Variants in YAE1 observed in about 807,000 individuals in gnomAD.
The protein encoded by YAE1 is YAE1 maturation factor of ABCE1, also known as protein YAE1 homolog.
A neutral mutation model predicts 23.0 loss-of-function variants in YAE1; 22 were observed. The ratio of observed to expected loss-of-function variants is 0.96; its 90% CI spans 0.68 to 1.37. YAE1 has a LOEUF of 1.37. YAE1 is among the 40% of genes most tolerant of loss of function. YAE1 has a pLI of 0.00. For synonymous variants in YAE1, 101 were observed against 97.0 expected (o/e 1.04, Z -0.24); for missense variants, 260 against 262.1 (o/e 0.99, Z 0.06).
chr7:39,586,176 C>CTT (rs3038969), intron 2 of YAE1, among the ~76,000 whole-genome samples: 6,162 of 142,608 alleles, frequency 0.043, 215 homozygotes, highest in African/African-American at 0.089. Flanking sequence ...TTTTTTTCCT[C>CTT]TTTTTTTTTT....
At chr7:39,582,107 A>G (rs1310581667) in intron 2 of YAE1, among the ~76,000 whole-genome samples, 1 of 151,802 alleles carries the variant, frequency 6.6e-6, no homozygotes, top group Non-Finnish European at 1.5e-5. Flanking sequence ...GTCTGTAGGT[A>G]GTTCTGATTA....
Position 39,608,255 on chromosome 7 carries a change from A to G in YAE1, c.252-1362A>G, listed in dbSNP as rs79195882. ...CCTATAGTTCTAAAGCCTTTCAATA[A>G]TTTATTTAACGCCTATAAAATATTC... On this transcript the variant is annotated intron_variant, in intron 2 of 2. Transcript: ENST00000432096. Among the ~76,000 whole-genome samples the G allele has an allele frequency of 1.4e-4, 22 of 152,366 alleles. No homozygotes were observed. The East Asian group carries it at 4.2e-3, about 29-fold the overall frequency.
chr7:39,571,194 A>T (rs1285428379), intron 2 of YAE1, among the ~76,000 whole-genome samples: 1 of 152,126 alleles, frequency 6.6e-6, no homozygotes, highest in Non-Finnish European at 1.5e-5. Flanking sequence ...ACGGCTTTGA[A>T]TATGGCCCAA....
intron 2 of YAE1, among the ~76,000 whole-genome samples, chr7:39,580,860 C>G (rs995328222): frequency 5.9e-5 from 9 of 152,044 alleles, no homozygotes; most frequent in African/African-American, 1.7e-4. Flanking sequence ...CATAAGAAAA[C>G]CTGTTCAAAA....
intron 2 of YAE1, among the ~76,000 whole-genome samples, chr7:39,601,421 T>C (rs544221066): frequency 1.3e-5 from 2 of 152,300 alleles, no homozygotes; most frequent in African/African-American, 4.8e-5. Flanking sequence ...ATTATGGCAG[T>C]ATTTCCTTTT....
At chr7:39,611,458 G>T (rs774716904), downstream of YAE1, among the ~76,000 whole-genome samples, 4 of 152,236 alleles carry the variant, frequency 2.6e-5, no homozygotes, top group Admixed American at 6.5e-5. Flanking sequence ...GTAGGTGAGT[G>T]CTGGGCCGAG....
intron 2 of YAE1, among the ~76,000 whole-genome samples, chr7:39,579,791 G>A (rs964318998): frequency 1.3e-5 from 2 of 151,986 alleles, no homozygotes; most frequent in Non-Finnish European, 1.5e-5. Flanking sequence ...ACCTACAATC[G>A]CAGCACTTTG....
At chr7:39,587,813 G>A (rs1790841969) in intron 2 of YAE1, among the ~76,000 whole-genome samples, 6 of 139,052 alleles carry the variant, frequency 4.3e-5, no homozygotes. Flanking sequence ...CTTCAAGGCA[G>A]TACAGGGAGC....
intron 1 of YAE1, among the ~76,000 whole-genome samples, chr7:39,568,043 T>C (rs1169894007): frequency 6.6e-6 from 1 of 152,042 alleles, no homozygotes; most frequent in Non-Finnish European, 1.5e-5. Context: ...TATCTTAAAA[T>C]ATAAAAATGT....
chr7:39,611,180 G>A (rs896934583), downstream of YAE1, among the ~76,000 whole-genome samples: 4 of 152,008 alleles, frequency 2.6e-5, no homozygotes, highest in African/African-American at 4.8e-5. Flanking sequence ...GATGGCCATT[G>A]GCTGTGGTTA....
At chr7:39,578,752 G>A (rs775361261) in intron 2 of YAE1, among the ~76,000 whole-genome samples, 1 of 152,170 alleles carries the variant, frequency 6.6e-6, no homozygotes, top group African/African-American at 2.4e-5. Context: ...CACTCACCGC[G>A]AGGGTCTGCA....
Position 39,597,406 on chromosome 7 carries a change from T to C in YAE1, c.252-12211T>C, listed in dbSNP as rs891341259. Among the ~76,000 whole-genome samples, 8 of 152,064 alleles carry C rather than the reference T, an allele frequency of 5.3e-5. 1 individual carries two copies. Among genetic ancestry groups the C allele is most frequent in the Admixed American group, 3.9e-4 (6 of 15,268 alleles). ...GCAACATAGTGAGATTCCATCTCTA[T>C]TAAAAAAAAATTTTTTTAAGAGGAG... On this transcript the variant is annotated intron_variant, in intron 2 of 2. Coordinates refer to the YAE1 transcript ENST00000432096.
At chr7:39,596,325 A>G (rs938238700) in intron 2 of YAE1, among the ~76,000 whole-genome samples, 1 of 152,010 alleles carries the variant, frequency 6.6e-6, no homozygotes, top group Non-Finnish European at 1.5e-5. Flanking sequence ...CTCCTGCCTC[A>G]GCCTCCCAGT....
At chr7:39,609,557 G>C in intron 2 of YAE1, 1 of 1,502,234 alleles carries the variant, frequency 6.7e-7, no homozygotes, top group South Asian at 1.2e-5. Flanking sequence ...AATGGGGAAA[G>C]TTGTGGGGAC....
chr7:39,598,796 AAAAG>A (rs1258095638), intron 2 of YAE1, among the ~76,000 whole-genome samples: 3 of 150,204 alleles, frequency 2.0e-5, no homozygotes, highest in African/African-American at 7.5e-5. Context: ...AAAAAAAAAA[AAAAG>A]AAGAAGAAGA....
chr7:39,583,676 G>A (rs557564014), intron 2 of YAE1, among the ~76,000 whole-genome samples: 9 of 152,316 alleles, frequency 5.9e-5, no homozygotes, highest in African/African-American at 1.7e-4. Flanking sequence ...CAGGAGATCT[G>A]AGCCTCCTAC....
At chr7:39,584,843 A>T (rs1583675169) in intron 2 of YAE1, among the ~76,000 whole-genome samples, 1 of 152,272 alleles carries the variant, frequency 6.6e-6, no homozygotes, top group East Asian at 1.9e-4. Context: ...ACAAAGTAAG[A>T]CCCCATCTCA....
Position 39,586,715 on chromosome 7 carries a change from C to T in YAE1, c.251+16088C>T, listed in dbSNP as rs143791047. 9.0e-3 allele frequency among the ~76,000 whole-genome samples: 1,347 copies of T among 149,124 alleles called. 20 individuals are homozygous for T. The highest frequency in any genetic ancestry group is 0.031 in the African/African-American group (1,240 of 40,484). On this transcript the variant is annotated intron_variant, in intron 2 of 2. Transcript: ENST00000432096. ...GGTTTCACCGTGTTAGCCAGGATGG[C>T]CTCCATCTCCTGACCTCGTGATCCG...
chr7:39,582,786 G>A (rs998803621), intron 2 of YAE1, among the ~76,000 whole-genome samples: 1 of 150,928 alleles, frequency 6.6e-6, no homozygotes, highest in African/African-American at 2.5e-5. Flanking sequence ...AGGTTGCTTT[G>A]TCTCCAAGGA....
Sources: allele counts gnomAD v4.1 joint callset (sites outside exome capture counted in the v4.1 genomes callset), GRCh38; gene constraint gnomAD v4.1.1; transcripts MANE v1.5; gene names NCBI Gene and HGNC (gene_info 2026-07-23, HGNC 2026-07-21).